The following AVL9 variants were observed in gnomAD, a reference collection of about 807,000 sequenced individuals.
AVL9 encodes the protein late secretory pathway protein AVL9 homolog.
In AVL9, 49 loss-of-function variants were observed where a neutral mutation model predicts 79.2. The ratio of observed to expected loss-of-function variants is 0.62; its 90% CI spans 0.49 to 0.79. AVL9 has a LOEUF of 0.79. Ranked by LOEUF, AVL9 falls within the 30% of genes least tolerant of loss-of-function variation. The probability of loss-of-function intolerance (pLI) is 0.00; values close to 1 mark genes in which losing one functional copy is unlikely to be tolerated. For missense variants in AVL9, 682 were observed against 776.8 expected, an observed-to-expected ratio of 0.88 and a Z score of 1.45; for synonymous variants, 299 against 280.6, an observed-to-expected ratio of 1.07 and a Z score of -0.65.
At chr7:32,502,095 G>A (rs1373350173) in intron 1 of AVL9, among the ~76,000 whole-genome samples, 1 of 151,868 alleles carries the variant, frequency 6.6e-6, no homozygotes, top group East Asian at 1.9e-4. Context: ...CAGGCACAGT[G>A]GCTCATGTCT....
In AVL9 at chr7:32,530,006, T is replaced by C. The variant is rs552695185; in HGVS notation, c.94-13135T>C. ...CATTATATACATAGACTTTGATTGA[T>C]TTATCCCTTATCCTATTAATGGACA... On this transcript the variant is annotated intron_variant, in intron 1 of 15. Transcript: ENST00000318709. 5.3e-5 allele frequency among the ~76,000 whole-genome samples: 8 copies of C among 152,364 alleles called. No homozygotes were observed. In the South Asian group the frequency reaches 1.0e-3, roughly 20 times the overall value.
chr7:32,537,258 A>G (rs912917337), intron 1 of AVL9: 1 of 152,152 alleles, frequency 6.6e-6, no homozygotes, highest in African/African-American at 2.4e-5. Context: ...AGATGCTCCT[A>G]TTACTCAGGA....
In AVL9 at chr7:32,555,476, A is replaced by G. The variant is rs148386908; in HGVS notation, c.609+880A>G. 3.1e-3 allele frequency among the ~76,000 whole-genome samples: 470 copies of G among 152,350 alleles called. 1 individual carries two copies. The highest frequency in any genetic ancestry group is 5.0e-3 in the Non-Finnish European group (343 of 68,036). ...AAACTTGGGTTCCTGACCACTCCCT[A>G]ATACAAAGGGATGGGTTTGCCATGA... On this transcript the variant is annotated intron_variant, in intron 8 of 15. Coordinates refer to ENST00000318709, the MANE Select transcript of AVL9 (RefSeq NM_015060.3).
chr7:32,559,234 A>T lies in AVL9; in HGVS notation c.985A>T (p.Ser329Cys), dbSNP rs776528010. The T allele has an allele frequency of 7.9e-5, 127 of 1,614,140 alleles. No homozygotes were observed. Among genetic ancestry groups the T allele is most frequent in the Non-Finnish European group, 1.1e-4 (126 of 1,180,050 alleles). Residue 329 changes from serine to cysteine, a missense_variant, in exon 10 of 16, where the codon AGT becomes TGT. Physicochemically the swap from Ser to Cys is moderately radical, Grantham distance 112. Transcript: ENST00000318709. ...PSRPSPDSSE[S>C]DWETLDPSVL... The stretch of plus-strand genomic sequence containing the variant: ...TCGCCCATCTCCAGATTCTTCAGAA[A>T]GTGACTGGGAAACTTTGGATCCTAG...
At chr7:32,496,921 G>A (rs1200790942) in intron 1 of AVL9, among the ~76,000 whole-genome samples, 1 of 152,134 alleles carries the variant, frequency 6.6e-6, no homozygotes, top group Non-Finnish European at 1.5e-5. Context: ...GATAACAAAG[G>A]GAAACACTGT....
chr7:32,519,727 G>C (rs1248614985), intron 1 of AVL9, among the ~76,000 whole-genome samples: 2 of 152,128 alleles, frequency 1.3e-5, no homozygotes, highest in Non-Finnish European at 1.5e-5. Context: ...TTAAATTAAA[G>C]AGAAAATTAT....
chr7:32,570,254 A>G lies in AVL9; in HGVS notation c.1350+100A>G, dbSNP rs555075321. 2.1e-6 allele frequency: 3 copies of G among 1,433,894 alleles called. No homozygotes were observed. In the East Asian group the frequency reaches 6.8e-5, roughly 33 times the overall value. The allele number at this position is 1,433,894 out of a possible 1,614,324, so 88.8% of individuals were successfully genotyped here. ...CATAGTAACAACATTAGTAATGATAATAACTGCATACTGTATGCCATGTAT... is the reference window on the plus strand; with the variant it reads ...CATAGTAACAACATTAGTAATGATAGTAACTGCATACTGTATGCCATGTAT... On this transcript the variant is annotated intron_variant, in intron 11 of 15. Transcript: ENST00000318709.
At chr7:32,537,404 A>G (rs1788960324) in intron 1 of AVL9, 1 of 152,170 alleles carries the variant, frequency 6.6e-6, no homozygotes, top group East Asian at 1.9e-4. Context: ...GAAAAACTCA[A>G]CAATAGAGGA....
At chr7:32,509,928 A>G (rs1481602474) in intron 1 of AVL9, among the ~76,000 whole-genome samples, 1 of 152,216 alleles carries the variant, frequency 6.6e-6, no homozygotes, top group Non-Finnish European at 1.5e-5. Context: ...AAGGCAAAAT[A>G]CAGTTAGTAA....
At chr7:32,508,193 C>T (rs1279603115) in intron 1 of AVL9, among the ~76,000 whole-genome samples, 1 of 152,020 alleles carries the variant, frequency 6.6e-6, no homozygotes, top group Non-Finnish European at 1.5e-5. Flanking sequence ...TTAATGGTGT[C>T]TTTTTTACAC....
intron 1 of AVL9, among the ~76,000 whole-genome samples, chr7:32,503,363 T>TACACACACACAC (rs1199472851): frequency 4.0e-4 from 40 of 100,308 alleles, no homozygotes; most frequent in Non-Finnish European, 6.5e-4. Flanking sequence ...TATAGAGAGA[T>TACACACACACAC]ATATATATAT....
chr7:32,543,732 G>A (rs1348287743), intron 2 of AVL9, among the ~76,000 whole-genome samples: 2 of 152,170 alleles, frequency 1.3e-5, no homozygotes, highest in African/African-American at 2.4e-5. Context: ...GCTTGCATGC[G>A]GAGCATGTTA....
rs762321117 is a variant in AVL9, at chr7:32,558,544, T to C, written c.610-15T>C. 17 of 1,592,948 alleles carry C rather than the reference T, an allele frequency of 1.1e-5. No homozygotes were observed. On this transcript the variant is annotated splice_polypyrimidine_tract_variant and intron_variant, in intron 8 of 15. Coordinates refer to ENST00000318709, the MANE Select transcript of AVL9 (RefSeq NM_015060.3). Reference sequence around the variant, plus strand: ...CATGGGTCTTCTAATTTGATTTTGATTGACTCCATTCCAGGTTCTTTTTTA... The same window carrying C: ...CATGGGTCTTCTAATTTGATTTTGACTGACTCCATTCCAGGTTCTTTTTTA...
chr7:32,584,222 C>T lies in AVL9; in HGVS notation c.*315C>T. On this transcript the variant is annotated 3_prime_UTR_variant, in exon 16 of 16. Coordinates refer to ENST00000318709, the MANE Select transcript of AVL9 (RefSeq NM_015060.3). ...TTGGTTTACTTTAGAAGAGTTTTTA[C>T]TTATGTAAATTTTGTTCTGTTTTGG... 1 of 302,198 alleles carries T rather than the reference C, an allele frequency of 3.3e-6. No homozygotes were observed. The highest frequency in any genetic ancestry group is 6.3e-6 in the Non-Finnish European group (1 of 158,162). 18.7% of individuals were successfully genotyped at this position (302,198 alleles called of 1,614,324 possible).
rs557392777 is a variant in AVL9 at position 32,530,035 on chromosome 7, G to T, written c.94-13106G>T. Among the ~76,000 whole-genome samples the T allele has an allele frequency of 3.2e-4, 49 of 152,172 alleles. No homozygotes were observed. The South Asian group carries it at 0.01, about 32-fold the overall frequency. On this transcript the variant is annotated intron_variant, in intron 1 of 15. Transcript: ENST00000318709. Reference sequence around the variant, plus strand: ...TCCCTTATCCTATTAATGGACATATGGGTTCCCAGCTTTTGGTTATGACAA... The same window carrying T: ...TCCCTTATCCTATTAATGGACATATTGGTTCCCAGCTTTTGGTTATGACAA...
intron 1 of AVL9, among the ~76,000 whole-genome samples, chr7:32,518,131 G>A (rs535925106): frequency 1.8e-4 from 27 of 152,108 alleles, no homozygotes; most frequent in African/African-American, 5.5e-4. Context: ...CGTGCCAGCC[G>A]TGCTGTGTAA....
At chr7:32,496,332 A>G (rs1390840060) in intron 1 of AVL9, among the ~76,000 whole-genome samples, 2 of 152,198 alleles carry the variant, frequency 1.3e-5, no homozygotes, top group East Asian at 3.9e-4. Context: ...CCTGTTAGGT[A>G]CGGTTGTCGA....
At chr7:32,580,334 T>A in intron 14 of AVL9, 62 bp downstream of exon 14, 1 of 1,323,514 alleles carries the variant, frequency 7.6e-7, no homozygotes, top group Non-Finnish European at 1.1e-6. Context: ...ATGTGTTTCA[T>A]TGCTAATTGG....
intron 10 of AVL9, among the ~76,000 whole-genome samples, chr7:32,568,047 C>T (rs1790660525): frequency 6.6e-6 from 1 of 151,210 alleles, no homozygotes; most frequent in Admixed American, 6.6e-5. Flanking sequence ...TTTCTTTTTT[C>T]TAGACACAGT....
Sources: gnomAD v4.1 joint callset for allele counts (sites outside exome capture counted in the v4.1 genomes callset) on GRCh38, gnomAD v4.1.1 for gene constraint, MANE v1.5 for transcripts, NCBI Gene and HGNC (gene_info 2026-07-23, HGNC 2026-07-21) for gene names.